NEK6: variants seen among roughly 807,000 people sequenced by gnomAD.
The protein encoded by NEK6 is NIMA related kinase 6, also known as serine/threonine-protein kinase Nek6.
NEK6 carries 27 observed loss-of-function variants against 43.5 expected under a neutral mutation model. That is an observed-to-expected ratio of 0.62 (90% CI 0.46 to 0.86). The LOEUF (loss-of-function observed/expected upper bound fraction) is 0.86, where lower values mean the gene tolerates loss of function less well. Ranked by LOEUF, NEK6 falls within the 40% of genes least tolerant of loss-of-function variation. NEK6 has a pLI of 0.00. For synonymous variants in NEK6, 167 were observed against 164.1 expected, an observed-to-expected ratio of 1.02 and a Z score of -0.14; for missense variants, 318 against 414.4, an observed-to-expected ratio of 0.77 and a Z score of 2.02.
chr9:124,257,937 G>A, upstream of NEK6: 1 of 977,554 alleles, frequency 1.0e-6, no homozygotes, highest in Middle Eastern at 5.2e-4. Flanking sequence ...GCGGGCGCGC[G>A]GGCCCGCGCA....
At chr9:124,285,943 G>A (rs879736221) in intron 1 of NEK6, among the ~76,000 whole-genome samples, 9 of 152,326 alleles carry the variant, frequency 5.9e-5, no homozygotes, top group South Asian at 4.1e-4. Context: ...ACGATGCTGG[G>A]TACATACTAA....
At chr9:124,270,109 C>T (rs901123481) in intron 1 of NEK6, among the ~76,000 whole-genome samples, 1 of 152,134 alleles carries the variant, frequency 6.6e-6, no homozygotes, top group Non-Finnish European at 1.5e-5. Context: ...CCACTGAGTG[C>T]TCCATCTCCC....
chr9:124,326,226 C>G lies in NEK6; in HGVS notation c.406-104C>G. ...ATCCCCCCCCCCCGCCCCTGCCAGGCACCAGTTACCCACTGGGGAAAGGAC... is the reference window on the plus strand; with the variant it reads ...ATCCCCCCCCCCCGCCCCTGCCAGGGACCAGTTACCCACTGGGGAAAGGAC... On this transcript the variant is annotated intron_variant, in intron 5 of 9. Transcript: ENST00000320246. The surrounding 1 kb of genome is among the most constrained non-coding windows in gnomAD (Gnocchi z 4.5). The G allele has an allele frequency of 4.4e-6, 1 of 226,616 alleles. No homozygotes were observed. Among genetic ancestry groups the G allele is most frequent in the Admixed American group, 4.1e-5 (1 of 24,650 alleles). 14.0% of individuals were successfully genotyped at this position (226,616 alleles called of 1,614,324 possible). A position where few individuals can be genotyped will look rare whatever the true frequency, so the allele number is the denominator to read the frequency against.
chr9:124,306,371 G>A (rs986128733), intron 2 of NEK6, among the ~76,000 whole-genome samples: 3 of 152,118 alleles, frequency 2.0e-5, no homozygotes, highest in Admixed American at 6.5e-5. Context: ...GATTTAGATC[G>A]TTTTGGGTTT....
At chr9:124,350,544 G>T (rs1252589385) in intron 9 of NEK6, among the ~76,000 whole-genome samples, 2 of 151,988 alleles carry the variant, frequency 1.3e-5, no homozygotes, top group Non-Finnish European at 2.9e-5. Flanking sequence ...TTTGCCCAAT[G>T]GTGTGGACAG....
At chr9:124,312,914 C>T (rs113299208) in intron 3 of NEK6, among the ~76,000 whole-genome samples, 4 of 152,322 alleles carry the variant, frequency 2.6e-5, no homozygotes, top group East Asian at 1.9e-4. Context: ...TCAACAGTCC[C>T]GTGGGTGGGG....
chr9:124,323,529 C>G (rs954481286), intron 5 of NEK6, among the ~76,000 whole-genome samples: 2 of 152,130 alleles, frequency 1.3e-5, no homozygotes, highest in African/African-American at 4.8e-5. Flanking sequence ...AAGGAGAGGC[C>G]TCTCCCTGCT....
At chr9:124,287,048 G>C (rs1450532287) in intron 1 of NEK6, among the ~76,000 whole-genome samples, 1 of 152,198 alleles carries the variant, frequency 6.6e-6, no homozygotes, top group Non-Finnish European at 1.5e-5. Flanking sequence ...TGCCCCCCTG[G>C]CTGCGGGGGA....
intron 2 of NEK6, among the ~76,000 whole-genome samples, chr9:124,309,673 G>A (rs1218642168): frequency 1.3e-5 from 2 of 152,266 alleles, no homozygotes; most frequent in African/African-American, 4.8e-5. Flanking sequence ...CTGGAAACTA[G>A]CACATAGTAG....
In NEK6 at chr9:124,302,025, C is replaced by G. The variant is rs747894737; in HGVS notation, c.61C>G (p.Leu21Val). The change falls in exon 2 of 10, where the codon CTG becomes GTG. Residue 21 changes from leucine to valine, a missense_variant. This residue lies in a region of NEK6 where 239 missense variants were observed against 344.4 expected (regional missense o/e 0.69). Transcript: ENST00000320246. ...GGSSNNLCHT[L>V]GPVHPPDPQR... ...GAGTTCCAACAACCTCTGCCACACC[C>G]TGGGGCCTGTGCATCCTCCTGACCC... 1 of 1,604,958 alleles carries G rather than the reference C, an allele frequency of 6.2e-7. No individual in the cohort carries two copies. The highest frequency in any genetic ancestry group is 8.5e-7 in the Non-Finnish European group (1 of 1,175,548).
intron 7 of NEK6, among the ~76,000 whole-genome samples, chr9:124,335,775 C>T (rs3824362): frequency 0.066 from 10,107 of 152,298 alleles, 954 homozygotes; most frequent in East Asian, 0.45. Context: ...TACAGCCTCT[C>T]CAAAAACTGC....
chr9:124,316,893 A>C (rs1833843085), intron 4 of NEK6, among the ~76,000 whole-genome samples: 1 of 151,616 alleles, frequency 6.6e-6, no homozygotes, highest in Non-Finnish European at 1.5e-5. Context: ...AACCCCTCTC[A>C]TTTCTCCCTT....
At chr9:124,305,484 G>C (rs1833204587) in intron 2 of NEK6, among the ~76,000 whole-genome samples, 1 of 150,738 alleles carries the variant, frequency 6.6e-6, no homozygotes. Flanking sequence ...AACCTGGGAG[G>C]CAGAGGTTGC....
chr9:124,260,624 C>T (rs1197234669), intron 1 of NEK6, among the ~76,000 whole-genome samples: 1 of 152,210 alleles, frequency 6.6e-6, no homozygotes, highest in Non-Finnish European at 1.5e-5. Context: ...TGGTCTCGAA[C>T]TCCTGACCTC....
chr9:124,284,846 C>T (rs1832081877), intron 1 of NEK6, among the ~76,000 whole-genome samples: 1 of 152,216 alleles, frequency 6.6e-6, no homozygotes. Context: ...AGTGTTCAAG[C>T]CCCTGCCTCT....
chr9:124,327,446 G>C lies in NEK6; in HGVS notation c.622+1G>C. 1 of 1,610,998 alleles carries C rather than the reference G, an allele frequency of 6.2e-7. No homozygotes were observed. Among genetic ancestry groups the C allele is most frequent in the African/African-American group, 1.3e-5 (1 of 75,036 alleles). ...GAGACCACCGCAGCCCACTCCCTAG[G>C]TAAGGGGGACCTGTCTGTGCCCCAG... On this transcript the variant is annotated splice_donor_variant, in intron 7 of 9. Transcript: ENST00000320246. LOFTEE classifies it high-confidence loss of function.
chr9:124,330,564 G>C (rs1828926716), intron 7 of NEK6, among the ~76,000 whole-genome samples: 3 of 152,222 alleles, frequency 2.0e-5, no homozygotes, highest in Admixed American at 2.0e-4. Flanking sequence ...GGGGCTGGGA[G>C]AGCAAGTCTA....
chr9:124,331,751 C>T (rs374722518), intron 7 of NEK6, among the ~76,000 whole-genome samples: 1 of 152,220 alleles, frequency 6.6e-6, no homozygotes, highest in Non-Finnish European at 1.5e-5. Context: ...CATGGGGGCC[C>T]TTGTGGAACA....
At chr9:124,297,786 AC>A (rs1832765105) in intron 1 of NEK6, among the ~76,000 whole-genome samples, 1 of 152,056 alleles carries the variant, frequency 6.6e-6, no homozygotes, top group African/African-American at 2.4e-5. Context: ...CCTCAGTGTT[AC>A]CCCGAGGTGC....
Sources: gnomAD v4.1 joint callset for allele counts (sites outside exome capture counted in the v4.1 genomes callset) on GRCh38, gnomAD v4.1.1 for gene constraint, gnomAD v4.1.1 regional missense constraint, Gnocchi (gnomAD v3.1) non-coding constraint, MANE v1.5 for transcripts, NCBI Gene and HGNC (gene_info 2026-07-23, HGNC 2026-07-21) for gene names.